TRAF3IP2: variants seen among roughly 807,000 people sequenced by gnomAD.
The protein encoded by TRAF3IP2 is E3 ubiquitin ligase TRAF3IP2.
TRAF3IP2 carries 35 observed loss-of-function variants against 57.9 expected under a neutral mutation model. The ratio of observed to expected loss-of-function variants is 0.60; its 90% CI spans 0.46 to 0.80. TRAF3IP2 has a LOEUF of 0.80. Among genes scored for constraint, TRAF3IP2 ranks in the 30% least tolerant of loss-of-function variants. TRAF3IP2 has a pLI of 0.00. For synonymous variants in TRAF3IP2, 251 were observed against 268.9 expected, an observed-to-expected ratio of 0.93 and a Z score of 0.65; for missense variants, 556 against 706.4, an observed-to-expected ratio of 0.79 and a Z score of 2.41.
chr6:111,580,862 G>A (rs943174415), intron 2 of TRAF3IP2, among the ~76,000 whole-genome samples: 16 of 152,270 alleles, frequency 1.1e-4, no homozygotes, highest in East Asian at 3.9e-4. Context: ...ACACACGTGC[G>A]CGCACACACA....
intron 1 of TRAF3IP2, 148 bp from the exon 2 acceptor site, chr6:111,592,242 T>G (rs936966668): frequency 2.8e-6 from 2 of 714,922 alleles, no homozygotes; most frequent in African/African-American, 3.5e-5. Flanking sequence ...TCACATAAAA[T>G]TGTTTACTTA....
chr6:111,603,074 CA>C (rs1583251436), intron 1 of TRAF3IP2, among the ~76,000 whole-genome samples: 1 of 139,634 alleles, frequency 7.2e-6, no homozygotes, highest in East Asian at 2.1e-4. Context: ...TCTGTGCACA[CA>C]CAAGGTGTGC....
In TRAF3IP2 at chr6:111,556,613, C is replaced by A. The variant is rs1795248011; in HGVS notation, c.*2792G>T. ...AAGTCAGTTCTACCAGGTCTCAAAACTACGGAACTAATGTTACATGTCAGA... is the reference window on the plus strand; with the variant it reads ...AAGTCAGTTCTACCAGGTCTCAAAAATACGGAACTAATGTTACATGTCAGA... On this transcript the variant is annotated 3_prime_UTR_variant, in exon 9 of 9. Coordinates refer to ENST00000368761, the MANE Select transcript of TRAF3IP2 (RefSeq NM_147686.4). 1.3e-5 allele frequency: 2 copies of A among 152,204 alleles called. No homozygotes were observed. Among genetic ancestry groups the A allele is most frequent in the African/African-American group, 4.8e-5 (2 of 41,440 alleles). The allele number at this position is 152,204 out of a possible 1,614,324, so 9.4% of individuals were successfully genotyped here.
chr6:111,595,961 C>A (rs1796677027), intron 1 of TRAF3IP2, among the ~76,000 whole-genome samples: 2 of 152,150 alleles, frequency 1.3e-5, no homozygotes, highest in South Asian at 4.1e-4. Context: ...ATGCAGAAAA[C>A]CCACGACCGG....
chr6:111,600,882 A>C (rs930988998), intron 1 of TRAF3IP2: 1 of 230,586 alleles, frequency 4.3e-6, no homozygotes, highest in Non-Finnish European at 8.6e-6. Flanking sequence ...TGCTGTTCCA[A>C]GTGTGATAGA....
intron 8 of TRAF3IP2, among the ~76,000 whole-genome samples, chr6:111,562,692 A>T (rs1795489817): frequency 6.6e-6 from 1 of 152,102 alleles, no homozygotes; most frequent in African/African-American, 2.4e-5. Context: ...AAAAATAAAA[A>T]AAATTAGCCA....
chr6:111,570,151 G>A (rs1249905347), intron 5 of TRAF3IP2, among the ~76,000 whole-genome samples: 1 of 152,222 alleles, frequency 6.6e-6, no homozygotes, highest in Non-Finnish European at 1.5e-5. Context: ...ACCATGTGAG[G>A]ACAGAAGGAG....
chr6:111,558,459 G>T lies in TRAF3IP2; in HGVS notation c.*946C>A, dbSNP rs909128397. On this transcript the variant is annotated 3_prime_UTR_variant, in exon 9 of 9. Transcript: ENST00000368761. ...TTGTTTGTTTGTTTTTTGAGACGGA[G>T]TCTCGCTCTGTCTCCCAAGCTAGAG... 6.6e-6 allele frequency: 1 copy of T among 152,254 alleles called. No homozygotes were observed. Among genetic ancestry groups the T allele is most frequent in the Non-Finnish European group, 1.5e-5 (1 of 68,060 alleles). 9.4% of individuals were successfully genotyped at this position (152,254 alleles called of 1,614,324 possible). A position where few individuals can be genotyped will look rare whatever the true frequency, so the allele number is the denominator to read the frequency against.
chr6:111,576,559 G>C (rs1027322480), intron 3 of TRAF3IP2: 1 of 152,246 alleles, frequency 6.6e-6, no homozygotes, highest in Non-Finnish European at 1.5e-5. Context: ...GCAGGGCATG[G>C]GCATCTATTG....
Position 111,575,708 on chromosome 6 carries a change from G to A in TRAF3IP2, c.1136C>T (p.Pro379Leu). 6.2e-7 allele frequency: 1 copy of A among 1,613,260 alleles called. No individual in the cohort carries two copies. The highest frequency in any genetic ancestry group is 8.5e-7 in the Non-Finnish European group (1 of 1,179,768). The change falls in exon 4 of 9, where the codon CCT becomes CTT. Residue 379 changes from proline (P) to leucine (L), a missense_variant. By Grantham distance (98) the Pro-to-Leu change is moderately conservative (BLOSUM62 -3). Coordinates refer to ENST00000368761, the MANE Select transcript of TRAF3IP2 (RefSeq NM_147686.4). ...VPQPPSPAAV[P>L]RPPSNPPARG... ...GGCTGGAGGGTTGCTAGGGGGTCTA[G>A]GCACAGCAGCTGGGGACGGAGGCTG...
In TRAF3IP2 at chr6:111,591,677, C is replaced by A; in HGVS notation, c.410G>T (p.Arg137Leu). The stretch of plus-strand genomic sequence containing the variant: ...AAGCTGAGATACCAGCCATTGATTA[C>A]GTTTTTCCATAAATGAAAACTGATG... The part of the protein sequence containing the change: ...AEHQFSFMEK[R>L]NQWLVSQLSA... Residue 137 changes from arginine to leucine, a missense_variant, in exon 2 of 9, where the codon CGT (arginine) becomes CTT (leucine). Physicochemically the swap from Arg to Leu is moderately radical, Grantham distance 102 (BLOSUM62 -2). Transcript: ENST00000368761. The surrounding 1 kb of genome is among the most constrained non-coding windows in gnomAD (Gnocchi z 4.9). 6.2e-7 allele frequency: 1 copy of A among 1,614,234 alleles called. No individual in the cohort carries two copies. The highest frequency in any genetic ancestry group is 8.5e-7 in the Non-Finnish European group (1 of 1,180,040).
intron 4 of TRAF3IP2, 86 bp from the exon 5 acceptor site, chr6:111,573,069 T>A (rs1311665911): frequency 9.2e-7 from 1 of 1,087,064 alleles, no homozygotes; most frequent in Non-Finnish European, 1.4e-6. Flanking sequence ...ATATCTTTTG[T>A]CCTTCTAGAA....
intron 5 of TRAF3IP2, among the ~76,000 whole-genome samples, chr6:111,571,941 G>A (rs9372300): frequency 0.26 from 38,645 of 150,992 alleles, 5,400 homozygotes; most frequent in East Asian, 0.43. Flanking sequence ...TTATCTTATA[G>A]AATAAAGAAA....
intron 1 of TRAF3IP2, among the ~76,000 whole-genome samples, chr6:111,595,638 G>A (rs925606885): frequency 3.3e-5 from 5 of 152,160 alleles, no homozygotes; most frequent in Admixed American, 6.5e-5. Context: ...GACCAGCCTG[G>A]CCAACATGGT....
At chr6:111,584,915 G>T (rs909942933) in intron 2 of TRAF3IP2, among the ~76,000 whole-genome samples, 1 of 152,138 alleles carries the variant, frequency 6.6e-6, no homozygotes, top group Non-Finnish European at 1.5e-5. Flanking sequence ...TAAAAATCCA[G>T]ATTCCTCACC....
intron 3 of TRAF3IP2, 71 bp from the exon 4 acceptor site, chr6:111,575,892 T>C: frequency 1.4e-6 from 2 of 1,451,524 alleles, no homozygotes; most frequent in Non-Finnish European, 1.9e-6. Flanking sequence ...AGAAAGACTT[T>C]TAGAACTATG....
intron 1 of TRAF3IP2, chr6:111,602,386 A>C (rs1057030217): frequency 6.6e-6 from 1 of 151,050 alleles, no homozygotes; most frequent in Non-Finnish European, 1.5e-5. Context: ...CTCTAAGCAC[A>C]TGTGTGATCC....
In TRAF3IP2 at chr6:111,604,526, A is replaced by G. The variant is rs140746333; in HGVS notation, c.-9+1250T>C. ...CCTGGGTAACCCAAATGGGACATGA[A>G]CTAATTCGAGAAACTCCCTGTTTTC... On this transcript the variant is annotated intron_variant, in intron 1 of 8. Coordinates refer to ENST00000368761, the MANE Select transcript of TRAF3IP2 (RefSeq NM_147686.4). Among the ~76,000 whole-genome samples, 821 of 152,330 alleles carry G rather than the reference A, an allele frequency of 5.4e-3. 3 individuals carry two copies. The highest frequency in any genetic ancestry group is 8.5e-3 in the Non-Finnish European group (578 of 68,030).
rs1795962548 is a variant in TRAF3IP2 at position 111,575,701 on chromosome 6, G to C, written c.1143C>G (p.Pro381=). ...QPPSPAAVPR[P]PSNPPARGTL... ...TTCCTCTGGCTGGAGGGTTGCTAGG[G>C]GGTCTAGGCACAGCAGCTGGGGACG... is the stretch of plus-strand genomic sequence containing the variant. The change falls in exon 4 of 9, where the codon CCC becomes CCG. Residue 381 remains proline, a synonymous_variant. Coordinates refer to ENST00000368761, the MANE Select transcript of TRAF3IP2 (RefSeq NM_147686.4). The C allele has an allele frequency of 3.1e-6, 5 of 1,613,252 alleles. No homozygotes were observed. The highest frequency in any genetic ancestry group is 4.2e-6 in the Non-Finnish European group (5 of 1,179,818).
Sources: allele counts gnomAD v4.1 joint callset (sites outside exome capture counted in the v4.1 genomes callset), GRCh38; gene constraint gnomAD v4.1.1; non-coding constraint Gnocchi (gnomAD v3.1); transcripts MANE v1.5; gene names NCBI Gene and HGNC (gene_info 2026-07-23, HGNC 2026-07-21).